Variants in COL15A1 observed in about 807,000 individuals in gnomAD.
COL15A1 encodes the protein collagen type XV alpha 1 chain.
COL15A1 carries 111 observed loss-of-function variants against 165.9 expected under a neutral mutation model. The observed-to-expected ratio is 0.67, with a 90% confidence interval of 0.57 to 0.78. The LOEUF is 0.78. Among genes scored for constraint, COL15A1 ranks in the 30% least tolerant of loss-of-function variants. COL15A1 has a pLI of 0.00. For missense variants in COL15A1, 1,745 were observed against 1,789.7 expected (o/e 0.98, Z 0.45); for synonymous variants, 659 against 674.8 (o/e 0.98, Z 0.36).
At chr9:98,998,251 AT>A (rs1274495400) in intron 6 of COL15A1, among the ~76,000 whole-genome samples, 2 of 152,246 alleles carry the variant, frequency 1.3e-5, no homozygotes, top group East Asian at 3.9e-4. Flanking sequence ...GTACTTCCGT[AT>A]TTTATTAATA....
At chr9:99,010,002 CT>C (rs1461698538) in intron 9 of COL15A1, among the ~76,000 whole-genome samples, 1 of 152,206 alleles carries the variant, frequency 6.6e-6, no homozygotes, top group Non-Finnish European at 1.5e-5. Flanking sequence ...CTTATTTTAT[CT>C]CTCAAAATCT....
intron 21 of COL15A1, 64 bp downstream of exon 21, chr9:99,036,460 G>A (rs1839304224): frequency 3.2e-6 from 5 of 1,565,862 alleles, no homozygotes; most frequent in Non-Finnish European, 4.4e-6. Context: ...GGAGGAGAAG[G>A]TTGTCCATGA....
intron 30 of COL15A1, among the ~76,000 whole-genome samples, chr9:99,051,835 C>T (rs191745226): frequency 8.9e-4 from 135 of 152,290 alleles, no homozygotes; most frequent in African/African-American, 2.9e-3. Flanking sequence ...GAATATTATC[C>T]AGAACAGCCT....
Position 99,020,430 on chromosome 9 carries a change from C to T in COL15A1, c.1689C>T (p.Pro563=). ...TGGGAATGAAAGGACAGGCTGGGCC[C>T]AAAGGAGAAAAGGTTTGTGCTGTGA... is the stretch of plus-strand genomic sequence containing the variant. ...EHVGMKGQAG[P]KGEKGDAGEE... The change falls in exon 12 of 42, where the codon CCC becomes CCT. Residue 563 remains proline, a synonymous_variant. Coordinates refer to ENST00000375001, the MANE Select transcript of COL15A1 (RefSeq NM_001855.5). The T allele has an allele frequency of 6.2e-7, 1 of 1,612,424 alleles. No homozygotes were observed. Among genetic ancestry groups the T allele is most frequent in the Admixed American group, 1.7e-5 (1 of 60,004 alleles).
chr9:98,989,002 A>G lies in COL15A1; in HGVS notation c.724-176A>G, dbSNP rs900892672. Among the ~76,000 whole-genome samples the G allele has an allele frequency of 3.4e-5, 5 of 147,914 alleles. No individual in the cohort carries two copies. The Admixed American group carries it at 3.4e-4, about 10-fold the overall frequency. ...CACACTGCACACACGCTGTCTCCTT[A>G]ACCCCACTCCGTCTCTCATAGACAC... On this transcript the variant is annotated intron_variant, in intron 4 of 41. Transcript: ENST00000375001.
intron 11 of COL15A1, among the ~76,000 whole-genome samples, chr9:99,018,250 C>A (rs1049171807): frequency 6.6e-6 from 1 of 152,186 alleles, no homozygotes; most frequent in African/African-American, 2.4e-5. Context: ...TTGGTTGATA[C>A]GTCTCTTAAG....
intron 2 of COL15A1, among the ~76,000 whole-genome samples, chr9:98,978,040 T>C (rs1838169186): frequency 6.6e-6 from 1 of 152,228 alleles, no homozygotes; most frequent in Admixed American, 6.5e-5. Context: ...GCTCTGGGAC[T>C]CGTGGTACCA....
chr9:99,005,146 GC>G (rs1838736630), intron 9 of COL15A1, 96 bp downstream of exon 9: 2 of 1,297,118 alleles, frequency 1.5e-6, no homozygotes, highest in Non-Finnish European at 2.1e-6. Flanking sequence ...ACCCATGGGA[GC>G]CTGAGGCACG....
At position 99,015,621 on chromosome 9, in the gene COL15A1, A is replaced by T. The variant is rs535699526; in HGVS notation, c.1503+55A>T. 88 of 1,549,858 alleles carry T rather than the reference A, an allele frequency of 5.7e-5. No homozygotes were observed. In the East Asian group the frequency reaches 1.9e-3, roughly 33 times the overall value. ...CACAGGGGAGAGACAGGTCTGCATC[A>T]TGCGACAACAGTCATCCTTGGCCTT... On this transcript the variant is annotated intron_variant, in intron 10 of 41. Transcript: ENST00000375001.
chr9:99,013,320 C>T (rs1427205918), intron 9 of COL15A1, among the ~76,000 whole-genome samples: 1 of 152,184 alleles, frequency 6.6e-6, no homozygotes, highest in African/African-American at 2.4e-5. Context: ...CACTTGCCCT[C>T]CAGTCACCCA....
chr9:99,042,598 C>T (rs1166130563), intron 24 of COL15A1, among the ~76,000 whole-genome samples: 2 of 152,154 alleles, frequency 1.3e-5, no homozygotes, highest in African/African-American at 4.8e-5. Context: ...AATATGGGGC[C>T]TGGTATACAA....
At position 99,070,145 on chromosome 9, in the gene COL15A1, A is replaced by C; in HGVS notation, c.*259A>C. ...CCCAGCAGTGTGAACGCATCCCAACATAGGTTAAGAGCAAGTTGAAAACAA... is the reference window on the plus strand; with the variant it reads ...CCCAGCAGTGTGAACGCATCCCAACCTAGGTTAAGAGCAAGTTGAAAACAA... On this transcript the variant is annotated 3_prime_UTR_variant, in exon 42 of 42. Transcript: ENST00000375001. 7.9e-6 allele frequency: 3 copies of C among 380,634 alleles called. No homozygotes were observed. Among genetic ancestry groups the C allele is most frequent in the South Asian group, 3.9e-5 (1 of 25,574 alleles). The allele number at this position is 380,634 out of a possible 1,614,324, so 23.6% of individuals were successfully genotyped here. A position where few individuals can be genotyped will look rare whatever the true frequency, so the allele number is the denominator to read the frequency against.
At chr9:99,033,113 A>G (rs1839235157) in intron 16 of COL15A1, among the ~76,000 whole-genome samples, 1 of 152,102 alleles carries the variant, frequency 6.6e-6, no homozygotes, top group African/African-American at 2.4e-5. Flanking sequence ...TGAAATTGGG[A>G]TCCTGCCTGA....
chr9:98,992,196 G>A (rs1368482989), intron 5 of COL15A1, among the ~76,000 whole-genome samples: 1 of 152,260 alleles, frequency 6.6e-6, no homozygotes, highest in Non-Finnish European at 1.5e-5. Context: ...CCATGTGGGA[G>A]CCCACTGCCA....
chr9:98,996,441 C>T (rs1838543817), intron 5 of COL15A1, among the ~76,000 whole-genome samples: 1 of 152,228 alleles, frequency 6.6e-6, no homozygotes, highest in Non-Finnish European at 1.5e-5. Flanking sequence ...GGTTAAGACA[C>T]TGACTGGCTT....
At chr9:99,069,553 G>A in intron 41 of COL15A1, 120 bp from the exon 42 acceptor site, 2 of 1,283,474 alleles carry the variant, frequency 1.6e-6, no homozygotes, top group Non-Finnish European at 2.2e-6. Flanking sequence ...ATAGAGAAGT[G>A]ATTTGGCATC....
chr9:98,967,016 C>T (rs186777706), intron 2 of COL15A1, among the ~76,000 whole-genome samples: 37 of 152,308 alleles, frequency 2.4e-4, no homozygotes, highest in African/African-American at 8.2e-4. Flanking sequence ...TACATTCATT[C>T]GTTCATTCAT....
Position 99,062,089 on chromosome 9 carries a change from A to G in COL15A1, c.3521A>G (p.Lys1174Arg). The change falls in exon 37 of 42, where the codon AAA becomes AGA. Residue 1174 changes from lysine (K) to arginine (R), a missense_variant. Lys to Arg is a conservative substitution (Grantham distance 26). Coordinates refer to ENST00000375001, the MANE Select transcript of COL15A1 (RefSeq NM_001855.5). ...TTCATTCGTGTTAGAGATGGCTGGAAAAAATTACAGGTAATTTCTAAACTT... is the reference window on the plus strand; with the variant it reads ...TTCATTCGTGTTAGAGATGGCTGGAGAAAATTACAGGTAATTTCTAAACTT... The part of the protein sequence containing the change: ...EFFIRVRDGW[K>R]KLQLGELIPI... 1 of 1,614,076 alleles carries G rather than the reference A, an allele frequency of 6.2e-7. No homozygotes were observed.
chr9:98,950,443 TCTCCTTCCTTCC>T (rs997447508), intron 2 of COL15A1, among the ~76,000 whole-genome samples: 2 of 148,302 alleles, frequency 1.3e-5, no homozygotes, highest in Admixed American at 6.8e-5. Flanking sequence ...CTTTTTTCTT[TCTCCTTCCTTCC>T]CTCCTTCCTT....
Sources: gnomAD v4.1 joint callset for allele counts (sites outside exome capture counted in the v4.1 genomes callset) on GRCh38, gnomAD v4.1.1 for gene constraint, MANE v1.5 for transcripts, NCBI Gene and HGNC (gene_info 2026-07-23, HGNC 2026-07-21) for gene names.